The following PIGL variants were observed in gnomAD, a reference collection of about 807,000 sequenced individuals.
PIGL encodes the protein N-acetylglucosaminyl-phosphatidylinositol de-N-acetylase.
PIGL carries 22 observed loss-of-function variants against 31.1 expected under a neutral mutation model. The ratio of observed to expected loss-of-function variants is 0.71; its 90% CI spans 0.51 to 1.01. The LOEUF is 1.01. Among genes scored for constraint, PIGL ranks in the 50% least tolerant of loss-of-function variants. The pLI is 0.00. For missense variants in PIGL, 302 were observed against 315.9 expected, an observed-to-expected ratio of 0.96 and a Z score of 0.33; for synonymous variants, 131 against 117.4, an observed-to-expected ratio of 1.12 and a Z score of -0.75.
chr17:16,300,537 C>T (rs1468622417), intron 3 of PIGL, among the ~76,000 whole-genome samples: 4 of 152,074 alleles, frequency 2.6e-5, no homozygotes, highest in East Asian at 1.9e-4. Flanking sequence ...AAAAATTAGC[C>T]GGGCGTGGTG....
In PIGL at chr17:16,275,314, A is replaced by G. The variant is rs536116752; in HGVS notation, c.336-24574A>G. Among the ~76,000 whole-genome samples the G allele has an allele frequency of 1.1e-4, 16 of 152,292 alleles. 1 individual carries two copies. In the South Asian group the frequency reaches 3.3e-3, roughly 32 times the overall value. ...TCTTTTAGCATGCTGATGCATTATA[A>G]TTAGCGTATAATGAGCAATGAGAAC... On this transcript the variant is annotated intron_variant, in intron 2 of 6. Transcript: ENST00000225609.
At chr17:16,291,501 TGG>T (rs1443200257) in intron 2 of PIGL, among the ~76,000 whole-genome samples, 1 of 86,960 alleles carries the variant, frequency 1.1e-5, no homozygotes, top group Non-Finnish European at 2.3e-5. Flanking sequence ...AGCGAGACTC[TGG>T]CTCAAAAAAA....
rs1385020929 is a variant in PIGL at position 16,316,687 on chromosome 17, G to A, written c.501G>A (p.Leu167=). The A allele has an allele frequency of 1.9e-6, 3 of 1,604,918 alleles. No individual in the cohort carries two copies. Among genetic ancestry groups the A allele is most frequent in the Non-Finnish European group, 2.6e-6 (3 of 1,172,464 alleles). The part of the protein sequence containing the change: ...HIALYAAVRA[L]HSEGKLPKGC... The stretch of plus-strand genomic sequence containing the variant: ...TGTCCTATCCCTCCTCCAGGGCCCT[G>A]CACTCAGAAGGGAAGTTACCTAAAG... The change falls in exon 5 of 7, where the codon CTG becomes CTA. Residue 167 remains leucine (L), a synonymous_variant. Transcript: ENST00000225609.
At chr17:16,263,966 C>T (rs1167787983) in intron 2 of PIGL, among the ~76,000 whole-genome samples, 2 of 150,350 alleles carry the variant, frequency 1.3e-5, no homozygotes, top group African/African-American at 4.9e-5. Flanking sequence ...CTCAGCCTCC[C>T]GAGTAGCTGG....
Position 16,217,328 on chromosome 17 carries a change from A to G in PIGL, c.102A>G (p.Gly34=). 1.2e-6 allele frequency: 2 copies of G among 1,614,176 alleles called. No individual in the cohort carries two copies. The highest frequency in any genetic ancestry group is 1.7e-6 in the Non-Finnish European group (2 of 1,180,028). Residue 34 remains glycine, a synonymous_variant, in exon 1 of 7, where the codon GGA becomes GGG. Coordinates refer to ENST00000225609, the MANE Select transcript of PIGL (RefSeq NM_004278.4). ...AACGAATGAAGAGTCGGGAGCAGGG[A>G]GGACGGCTGGGAGCCGAAAGCCGGA... ...SSERMKSREQ[G]GRLGAESRTL...
In PIGL at chr17:16,299,784, C is replaced by CGTAA; in HGVS notation, c.336-104_336-103insGTAA. On this transcript the variant is annotated intron_variant, in intron 2 of 6. Transcript: ENST00000225609. ...TGAAGCTTAAGGGCAGGGACCCTTACCCCCAATGTAACTATCATAAAACTG... is the reference window on the plus strand; with the variant it reads ...TGAAGCTTAAGGGCAGGGACCCTTACGTAACCCCAATGTAACTATCATAAAACTG... 3 of 800,254 alleles carry CGTAA rather than the reference C, an allele frequency of 3.7e-6. No individual in the cohort carries two copies. The East Asian group carries it at 7.4e-5, about 20-fold the overall frequency. The allele number at this position is 800,254 out of a possible 1,614,324, so 49.6% of individuals were successfully genotyped here. A position where few individuals can be genotyped will look rare whatever the true frequency, so the allele number is the denominator to read the frequency against.
At chr17:16,279,995 G>T (rs1479829662) in intron 2 of PIGL, among the ~76,000 whole-genome samples, 1 of 152,182 alleles carries the variant, frequency 6.6e-6, no homozygotes, top group Non-Finnish European at 1.5e-5. Context: ...TTATGGTCTT[G>T]ACTAACTGGG....
At chr17:16,279,596 T>G (rs2092908668) in intron 2 of PIGL, 1 of 152,226 alleles carries the variant, frequency 6.6e-6, no homozygotes, top group Non-Finnish European at 1.5e-5. Flanking sequence ...TCTATAGAAG[T>G]TTTATTAAAT....
At chr17:16,245,642 A>T (rs2092742038) in intron 2 of PIGL, among the ~76,000 whole-genome samples, 1 of 150,290 alleles carries the variant, frequency 6.7e-6, no homozygotes, top group Non-Finnish European at 1.5e-5. Context: ...TGACCTCATG[A>T]TCTGCCCGCC....
At chr17:16,266,592 A>T (rs913939905) in intron 2 of PIGL, among the ~76,000 whole-genome samples, 2 of 151,168 alleles carry the variant, frequency 1.3e-5, no homozygotes, top group African/African-American at 4.9e-5. Context: ...TGCTCAACAG[A>T]TAATAGTTTC....
At chr17:16,262,913 G>A (rs560493352) in intron 2 of PIGL, among the ~76,000 whole-genome samples, 6 of 152,122 alleles carry the variant, frequency 3.9e-5, no homozygotes, top group African/African-American at 7.2e-5. Context: ...GATTGATGCT[G>A]TAGCATGGAT....
At chr17:16,241,106 C>T (rs1361549943) in intron 2 of PIGL, among the ~76,000 whole-genome samples, 1 of 123,916 alleles carries the variant, frequency 8.1e-6, no homozygotes, top group Non-Finnish European at 1.7e-5. Context: ...AAAAACGAAA[C>T]TCCCTCTCAA....
intron 2 of PIGL, among the ~76,000 whole-genome samples, chr17:16,239,335 T>C (rs2092713285): frequency 6.6e-6 from 1 of 151,486 alleles, no homozygotes; most frequent in South Asian, 2.1e-4. Flanking sequence ...TACAAAAAAT[T>C]AGCCAGGCGT....
rs936990225 is a variant in PIGL at position 16,326,344 on chromosome 17, A to G, written c.*446A>G. On this transcript the variant is annotated 3_prime_UTR_variant, in exon 7 of 7. Coordinates refer to ENST00000225609, the MANE Select transcript of PIGL (RefSeq NM_004278.4). ...CAACAGTGTGTGTTGAATTGGTTCA[A>G]TCATAATTCCTTTGATTTTTCTTGT... The G allele has an allele frequency of 6.2e-6, 1 of 161,008 alleles. No homozygotes were observed. Among genetic ancestry groups the G allele is most frequent in the Non-Finnish European group, 1.4e-5 (1 of 73,668 alleles). 10.0% of individuals were successfully genotyped at this position (161,008 alleles called of 1,614,324 possible). A position where few individuals can be genotyped will look rare whatever the true frequency, so the allele number is the denominator to read the frequency against.
At chr17:16,314,353 G>C (rs1658831956) in intron 4 of PIGL, among the ~76,000 whole-genome samples, 1 of 152,150 alleles carries the variant, frequency 6.6e-6, no homozygotes, top group Non-Finnish European at 1.5e-5. Context: ...TTAACACTCA[G>C]ACTGAAGCAA....
chr17:16,265,971 C>A (rs2092840841), intron 2 of PIGL, among the ~76,000 whole-genome samples: 1 of 151,980 alleles, frequency 6.6e-6, no homozygotes, highest in African/African-American at 2.4e-5. Flanking sequence ...AACTGAGGGC[C>A]CTTTCACCCA....
In PIGL at chr17:16,312,163, C is replaced by CG. The variant is rs1330529920; in HGVS notation, c.427-1380dup. Among the ~76,000 whole-genome samples the CG allele has an allele frequency of 8.0e-5, 12 of 149,986 alleles. No individual in the cohort carries two copies. In the South Asian group the frequency reaches 2.5e-3, roughly 31 times the overall value. ...CGCAGCCCCCCACCTCCCTCCCGGA[C>CG]GGGGCGGCTGCTGGGCGGAGACGCT... On this transcript the variant is annotated intron_variant, in intron 3 of 6. Coordinates refer to ENST00000225609, the MANE Select transcript of PIGL (RefSeq NM_004278.4).
intron 2 of PIGL, 84 bp downstream of exon 2, chr17:16,234,154 G>A: frequency 1.3e-6 from 1 of 755,754 alleles, no homozygotes; most frequent in Non-Finnish European, 2.3e-6. Flanking sequence ...AAACTAATGT[G>A]AGTGGCTGAG....
At chr17:16,325,073 C>T (rs1007883667) in intron 6 of PIGL, among the ~76,000 whole-genome samples, 3 of 151,916 alleles carry the variant, frequency 2.0e-5, no homozygotes, top group Admixed American at 6.6e-5. Flanking sequence ...TGGCCAGGCG[C>T]GGTGGCTCAC....
Sources: gnomAD v4.1 joint callset for allele counts (sites outside exome capture counted in the v4.1 genomes callset) on GRCh38, gnomAD v4.1.1 for gene constraint, MANE v1.5 for transcripts, NCBI Gene and HGNC (gene_info 2026-07-23, HGNC 2026-07-21) for gene names.